ANKS1B: variants seen among roughly 807,000 people sequenced by gnomAD.
ANKS1B encodes the protein ankyrin repeat and sterile alpha motif domain-containing protein 1B.
Under a neutral mutation model 148.3 loss-of-function variants are expected in ANKS1B, and 36 were observed. That is an observed-to-expected ratio of 0.24 (90% CI 0.19 to 0.32). The LOEUF (loss-of-function observed/expected upper bound fraction) is 0.32, where lower values mean the gene tolerates loss of function less well. Among genes scored for constraint, ANKS1B ranks in the 10% least tolerant of loss-of-function variants. The pLI, the probability that ANKS1B is intolerant of heterozygous loss-of-function variation, is 1.00. For synonymous variants in ANKS1B, 542 were observed against 560.8 expected (o/e 0.97, Z 0.47); for missense variants, 1,157 against 1,542.6 (o/e 0.75, Z 4.19).
At chr12:99,293,758 A>G (rs1220114506) in intron 12 of ANKS1B, among the ~76,000 whole-genome samples, 1 of 148,026 alleles carries the variant, frequency 6.8e-6, no homozygotes, top group Non-Finnish European at 1.5e-5. Flanking sequence ...GGAATACAAT[A>G]TTTGCAAACT....
intron 12 of ANKS1B, among the ~76,000 whole-genome samples, chr12:99,317,865 T>C (rs888400075): frequency 7.9e-5 from 12 of 152,234 alleles, no homozygotes; most frequent in South Asian, 4.1e-4. Flanking sequence ...TTGAGAGTTT[T>C]TAGCATGAAG....
intron 10 of ANKS1B, among the ~76,000 whole-genome samples, chr12:99,503,829 T>C (rs1207218317): frequency 6.6e-6 from 1 of 152,140 alleles, no homozygotes; most frequent in Non-Finnish European, 1.5e-5. Context: ...ATTAAATATA[T>C]TGACCATCCA....
At chr12:99,646,483 C>T (rs1035540029) in intron 9 of ANKS1B, among the ~76,000 whole-genome samples, 4 of 151,700 alleles carry the variant, frequency 2.6e-5, no homozygotes, top group South Asian at 2.1e-4. Flanking sequence ...TGGTGAAACC[C>T]CATCTCTACT....
intron 14 of ANKS1B, among the ~76,000 whole-genome samples, chr12:99,213,863 G>A (rs1025169456): frequency 6.6e-6 from 1 of 152,160 alleles, no homozygotes; most frequent in African/African-American, 2.4e-5. Flanking sequence ...GAATAAGCAG[G>A]AGCAGGGGTA....
chr12:99,494,059 C>T (rs1595849050), intron 10 of ANKS1B, among the ~76,000 whole-genome samples: 1 of 152,178 alleles, frequency 6.6e-6, no homozygotes, highest in East Asian at 1.9e-4. Flanking sequence ...AGAGAAGGAG[C>T]ACCATAATAA....
At chr12:99,844,336 T>C (rs959697215) in intron 1 of ANKS1B, among the ~76,000 whole-genome samples, 1 of 152,172 alleles carries the variant, frequency 6.6e-6, no homozygotes, top group Non-Finnish European at 1.5e-5. Flanking sequence ...CTGAATGATA[T>C]TGCCTAGGTT....
chr12:99,600,015 T>G (rs1249321221), intron 9 of ANKS1B, among the ~76,000 whole-genome samples: 8 of 151,976 alleles, frequency 5.3e-5, no homozygotes, highest in South Asian at 2.1e-4. Context: ...TCTTCAGAAT[T>G]TTTATGCTGC....
intron 9 of ANKS1B, among the ~76,000 whole-genome samples, chr12:99,622,059 G>T (rs2153376199): frequency 6.6e-6 from 1 of 151,966 alleles, no homozygotes; most frequent in African/African-American, 2.4e-5. Flanking sequence ...CCATACCCAT[G>T]GACCAGAGTG....
At chr12:99,958,763 GGAAGTGGT>G (rs914322062) in intron 1 of ANKS1B, among the ~76,000 whole-genome samples, 3 of 152,154 alleles carry the variant, frequency 2.0e-5, no homozygotes, top group African/African-American at 7.2e-5. Context: ...GACTGTTATT[GGAAGTGGT>G]GATACTGAGT....
intron 17 of ANKS1B, among the ~76,000 whole-genome samples, chr12:99,042,989 T>C (rs529441529): frequency 7.4e-4 from 113 of 152,356 alleles, no homozygotes; most frequent in Admixed American, 2.5e-3. Flanking sequence ...ATTTGGGATA[T>C]AGATACCCAC....
At chr12:99,567,938 C>T (rs1163626245) in intron 9 of ANKS1B, among the ~76,000 whole-genome samples, 6 of 152,126 alleles carry the variant, frequency 3.9e-5, no homozygotes, top group African/African-American at 1.4e-4. Context: ...CTCCCCTGCC[C>T]CCAGCACCAC....
At chr12:99,190,518 G>C (rs932059517) in intron 14 of ANKS1B, among the ~76,000 whole-genome samples, 3 of 152,150 alleles carry the variant, frequency 2.0e-5, no homozygotes, top group African/African-American at 7.2e-5. Flanking sequence ...GAACAGAACA[G>C]AGTCCTCAGA....
chr12:99,358,223 T>C (rs2092192274), intron 12 of ANKS1B, among the ~76,000 whole-genome samples: 1 of 152,132 alleles, frequency 6.6e-6, no homozygotes, highest in Non-Finnish European at 1.5e-5. Flanking sequence ...TCTTTATAAT[T>C]AGTTGCATGA....
At chr12:99,426,141 A>T (rs967545364) in intron 11 of ANKS1B, among the ~76,000 whole-genome samples, 5 of 152,102 alleles carry the variant, frequency 3.3e-5, no homozygotes, top group Admixed American at 2.0e-4. Context: ...TGTCTCTCAG[A>T]GTTGTTATTA....
chr12:99,616,458 A>G (rs1824767099), intron 9 of ANKS1B, among the ~76,000 whole-genome samples: 1 of 152,194 alleles, frequency 6.6e-6, no homozygotes, highest in Non-Finnish European at 1.5e-5. Flanking sequence ...GACCAATGGA[A>G]CAGAACAGAG....
At chr12:99,267,108 G>T (rs1403108252) in intron 12 of ANKS1B, among the ~76,000 whole-genome samples, 2 of 152,146 alleles carry the variant, frequency 1.3e-5, no homozygotes, top group Non-Finnish European at 2.9e-5. Context: ...TTAAAAGAGA[G>T]AACTCCATCT....
intron 15 of ANKS1B, among the ~76,000 whole-genome samples, chr12:99,144,581 T>C (rs1346983332): frequency 6.6e-6 from 1 of 151,990 alleles, no homozygotes; most frequent in African/African-American, 2.4e-5. Flanking sequence ...CACACATTTA[T>C]TGAGAACTGT....
chr12:99,061,779 A>G (rs1201601622), intron 16 of ANKS1B, among the ~76,000 whole-genome samples: 1 of 152,186 alleles, frequency 6.6e-6, no homozygotes, highest in Non-Finnish European at 1.5e-5. Flanking sequence ...TCCATTTGAC[A>G]TTACATTGTA....
At chr12:99,023,600 T>C (rs940133472) in intron 17 of ANKS1B, among the ~76,000 whole-genome samples, 1 of 152,030 alleles carries the variant, frequency 6.6e-6, no homozygotes, top group African/African-American at 2.4e-5. Context: ...CACTGTGTAA[T>C]GGCTCTAGTT....
Sources: allele counts gnomAD v4.1 joint callset (sites outside exome capture counted in the v4.1 genomes callset), GRCh38; gene constraint gnomAD v4.1.1; transcripts MANE v1.5; gene names NCBI Gene and HGNC (gene_info 2026-07-23, HGNC 2026-07-21).